Variants in GRIN3A observed in about 807,000 individuals in gnomAD.
The protein encoded by GRIN3A is glutamate receptor ionotropic, NMDA 3A.
Under a neutral mutation model 92.4 loss-of-function variants are expected in GRIN3A, and 47 were observed. The ratio of observed to expected loss-of-function variants is 0.51; its 90% confidence interval spans 0.40 to 0.65. GRIN3A has a LOEUF of 0.65. Ranked by LOEUF, GRIN3A falls within the 30% of genes least tolerant of loss-of-function variation. The pLI is 0.00. For missense variants in GRIN3A, 1,324 were observed against 1,393.1 expected, an observed-to-expected ratio of 0.95 and a Z score of 0.79; for synonymous variants, 527 against 540.6, an observed-to-expected ratio of 0.97 and a Z score of 0.35.
chr9:101,584,268 C>A (rs73659530), intron 6 of GRIN3A, among the ~76,000 whole-genome samples: 101 of 152,300 alleles, frequency 6.6e-4, no homozygotes, highest in African/African-American at 2.2e-3. Context: ...AGTAAGTAAT[C>A]ATTCAAAAAA....
intron 3 of GRIN3A, among the ~76,000 whole-genome samples, chr9:101,638,233 C>T (rs1828809440): frequency 6.6e-6 from 1 of 152,158 alleles, no homozygotes; most frequent in South Asian, 2.1e-4. Context: ...TATCTGTCTA[C>T]TTTTAGATAC....
chr9:101,698,160 A>T (rs570149091), intron 1 of GRIN3A, among the ~76,000 whole-genome samples: 1 of 152,340 alleles, frequency 6.6e-6, no homozygotes, highest in East Asian at 1.9e-4. Flanking sequence ...CTAGTCAAAT[A>T]CATTTTCTGG....
chr9:101,717,147 G>C (rs1342785986), intron 1 of GRIN3A, among the ~76,000 whole-genome samples: 2 of 152,150 alleles, frequency 1.3e-5, no homozygotes, highest in African/African-American at 4.8e-5. Context: ...TTGTTAAAAA[G>C]AAAACAGATA....
At chr9:101,700,735 A>G (rs1421718235) in intron 1 of GRIN3A, among the ~76,000 whole-genome samples, 2 of 152,214 alleles carry the variant, frequency 1.3e-5, no homozygotes, top group Non-Finnish European at 2.9e-5. Context: ...TTTATCTGCT[A>G]TCTAAAGCGA....
intron 1 of GRIN3A, among the ~76,000 whole-genome samples, chr9:101,723,269 C>T (rs1160163623): frequency 6.6e-6 from 1 of 151,762 alleles, no homozygotes; most frequent in African/African-American, 2.4e-5. Flanking sequence ...TTTCTTCCTT[C>T]TGGTGGGTTC....
intron 6 of GRIN3A, among the ~76,000 whole-genome samples, chr9:101,597,840 A>G (rs73507227): frequency 0.021 from 3,255 of 152,324 alleles, 122 homozygotes; most frequent in African/African-American, 0.074. Flanking sequence ...TGATAAAGGA[A>G]TACCAGGTCA....
At position 101,621,482 on chromosome 9, in the gene GRIN3A, G is replaced by T. The variant is rs28414152; in HGVS notation, c.2614+1836C>A. Among the ~76,000 whole-genome samples, 1,402 of 152,146 alleles carry T rather than the reference G, an allele frequency of 9.2e-3. 27 individuals carry two copies. The highest frequency in any genetic ancestry group is 0.032 in the African/African-American group (1,345 of 41,522). ...TTTCTGATGTGTACCCCATCCATTT[G>T]GAGAATAACCTCACAATGATAACAA... is the stretch of plus-strand genomic sequence containing the variant. On this transcript the variant is annotated intron_variant, in intron 5 of 8. Transcript: ENST00000361820.
At chr9:101,736,808 CAGAG>C (rs1830211491) in intron 1 of GRIN3A, among the ~76,000 whole-genome samples, 1 of 152,164 alleles carries the variant, frequency 6.6e-6, no homozygotes, top group African/African-American at 2.4e-5. Context: ...CTGAAGAAGT[CAGAG>C]AGAGCAGATG....
intron 2 of GRIN3A, among the ~76,000 whole-genome samples, chr9:101,675,606 C>T (rs962968896): frequency 4.6e-5 from 7 of 151,324 alleles, no homozygotes; most frequent in Non-Finnish European, 7.4e-5. Flanking sequence ...AGACAGAATA[C>T]ATATGATAAA....
At chr9:101,588,415 C>T (rs182114225) in intron 6 of GRIN3A, among the ~76,000 whole-genome samples, 11 of 152,270 alleles carry the variant, frequency 7.2e-5, no homozygotes, top group African/African-American at 2.6e-4. Flanking sequence ...AGTGGCTCAT[C>T]AACATGGCAC....
At chr9:101,686,145 T>C (rs1829530354) in intron 2 of GRIN3A, among the ~76,000 whole-genome samples, 1 of 152,216 alleles carries the variant, frequency 6.6e-6, no homozygotes, top group Non-Finnish European at 1.5e-5. Flanking sequence ...ATTAATTTTA[T>C]TGATATGGAA....
At chr9:101,660,704 A>C (rs1829161369) in intron 3 of GRIN3A, among the ~76,000 whole-genome samples, 1 of 151,812 alleles carries the variant, frequency 6.6e-6, no homozygotes, top group Non-Finnish European at 1.5e-5. Flanking sequence ...TAATGGAATC[A>C]GACACCAAAC....
intron 1 of GRIN3A, among the ~76,000 whole-genome samples, chr9:101,706,488 A>G (rs1326879030): frequency 6.6e-6 from 1 of 152,220 alleles, no homozygotes; most frequent in Admixed American, 6.5e-5. Flanking sequence ...TCACTTGCAA[A>G]TAAAGCCATT....
chr9:101,688,411 T>C (rs186056410), intron 1 of GRIN3A, among the ~76,000 whole-genome samples: 80 of 152,330 alleles, frequency 5.3e-4, no homozygotes, highest in African/African-American at 1.8e-3. Context: ...TCTTAAAATT[T>C]ATTCTTAAAA....
chr9:101,592,722 A>T (rs1828048286), intron 6 of GRIN3A: 1 of 151,036 alleles, frequency 6.6e-6, no homozygotes, highest in African/African-American at 2.4e-5. Flanking sequence ...ACCTTGATAG[A>T]TGGGTTCCCT....
chr9:101,661,172 G>A (rs77973951), intron 3 of GRIN3A, among the ~76,000 whole-genome samples: 11,181 of 151,814 alleles, frequency 0.074, 547 homozygotes, highest in East Asian at 0.22. Flanking sequence ...ACTTGAGGCC[G>A]CAGACAGCAG....
intron 1 of GRIN3A, among the ~76,000 whole-genome samples, chr9:101,709,204 T>C (rs912334101): frequency 6.6e-6 from 1 of 152,192 alleles, no homozygotes; most frequent in Non-Finnish European, 1.5e-5. Context: ...AATATGTTAA[T>C]GTGTATTTGA....
At chr9:101,721,517 G>A (rs1830012547) in intron 1 of GRIN3A, among the ~76,000 whole-genome samples, 2 of 152,280 alleles carry the variant, frequency 1.3e-5, no homozygotes, top group African/African-American at 2.4e-5. Flanking sequence ...GCAGAGGCTG[G>A]AACAGTTTGG....
intron 3 of GRIN3A, among the ~76,000 whole-genome samples, chr9:101,642,926 C>T (rs1347625987): frequency 2.6e-5 from 4 of 152,106 alleles, no homozygotes; most frequent in Admixed American, 2.6e-4. Context: ...AAAATAAGCT[C>T]AGGGCTCCCA....
Sources: gnomAD v4.1 joint callset for allele counts (sites outside exome capture counted in the v4.1 genomes callset) on GRCh38, gnomAD v4.1.1 for gene constraint, MANE v1.5 for transcripts, NCBI Gene and HGNC (gene_info 2026-07-23, HGNC 2026-07-21) for gene names.